Variants in CELA1 observed in about 807,000 individuals in gnomAD.
CELA1 encodes the protein chymotrypsin-like elastase family member 1.
In CELA1, 28 loss-of-function variants were observed where a neutral mutation model predicts 34.8. That is an observed-to-expected ratio of 0.80 (90% confidence interval 0.60 to 1.10). The LOEUF (loss-of-function observed/expected upper bound fraction) is 1.10. Among genes scored for constraint, CELA1 ranks in the 50% least tolerant of loss-of-function variants. CELA1 has a pLI of 0.00. For synonymous variants in CELA1, 140 were observed against 129.8 expected (o/e 1.08, Z -0.53); for missense variants, 288 against 327.5 (o/e 0.88, Z 0.93).
chr12:51,329,375 T>G (rs1946454801), intron 7 of CELA1, among the ~76,000 whole-genome samples: 1 of 152,144 alleles, frequency 6.6e-6, no homozygotes, highest in Admixed American at 6.5e-5. Context: ...CTGAACCTGT[T>G]TTTCCCTGGG....
At chr12:51,330,264 A>G (rs1248725467) in intron 6 of CELA1, among the ~76,000 whole-genome samples, 1 of 152,202 alleles carries the variant, frequency 6.6e-6, no homozygotes, top group East Asian at 1.9e-4. Flanking sequence ...ATTTAGACCA[A>G]TGGGTATAAT....
intron 5 of CELA1, 35 bp downstream of exon 5, chr12:51,341,208 TC>T: frequency 6.2e-7 from 1 of 1,612,322 alleles, no homozygotes; most frequent in Non-Finnish European, 8.5e-7. Context: ...CTAATCAAGA[TC>T]CCCGTGGTGG....
At chr12:51,338,662 T>A (rs371828668) in intron 6 of CELA1, among the ~76,000 whole-genome samples, 80 of 152,316 alleles carry the variant, frequency 5.3e-4, no homozygotes, top group African/African-American at 1.8e-3. Context: ...ACATCCTGAT[T>A]ATTAACACTT....
At chr12:51,331,864 CATTGAAAAA>C (rs1263478925) in intron 6 of CELA1, among the ~76,000 whole-genome samples, 1 of 152,024 alleles carries the variant, frequency 6.6e-6, no homozygotes. Flanking sequence ...TTTTAACAGA[CATTGAAAAA>C]ATTGAAAAAG....
At chr12:51,341,619 C>T (rs567811099) in intron 4 of CELA1, among the ~76,000 whole-genome samples, 100 of 152,176 alleles carry the variant, frequency 6.6e-4, no homozygotes, top group African/African-American at 2.2e-3. Context: ...TAGCTCTGAC[C>T]TTTGCAACCC....
At chr12:51,343,441 C>T (rs17860303) in intron 3 of CELA1, among the ~76,000 whole-genome samples, 11 of 152,212 alleles carry the variant, frequency 7.2e-5, no homozygotes, top group Admixed American at 5.9e-4. Flanking sequence ...TAGGCACTTA[C>T]ATATTTACTC....
intron 6 of CELA1, among the ~76,000 whole-genome samples, chr12:51,336,708 A>G (rs556627664): frequency 5.9e-5 from 9 of 152,330 alleles, no homozygotes; most frequent in African/African-American, 2.2e-4. Flanking sequence ...AAGGTTGTCC[A>G]GAACCAAACT....
chr12:51,333,115 A>G (rs1406418438), intron 6 of CELA1, among the ~76,000 whole-genome samples: 7 of 141,288 alleles, frequency 5.0e-5, no homozygotes, highest in African/African-American at 1.8e-4. Flanking sequence ...TTTTTTTGAG[A>G]CTGAGTTTCG....
intron 6 of CELA1, among the ~76,000 whole-genome samples, chr12:51,337,453 T>A (rs1205785958): frequency 2.1e-5 from 3 of 144,938 alleles, no homozygotes; most frequent in Non-Finnish European, 4.5e-5. Flanking sequence ...GGGAGGATCA[T>A]TTGAGCCCAG....
intron 6 of CELA1, among the ~76,000 whole-genome samples, chr12:51,339,155 A>C (rs971028482): frequency 6.6e-6 from 1 of 152,216 alleles, no homozygotes; most frequent in Non-Finnish European, 1.5e-5. Flanking sequence ...GAGGAACTGC[A>C]AGAGAAGTAG....
chr12:51,330,259 G>A (rs1037981098), intron 6 of CELA1, among the ~76,000 whole-genome samples: 7 of 152,164 alleles, frequency 4.6e-5, no homozygotes, highest in African/African-American at 1.7e-4. Context: ...CCAGCATTTA[G>A]ACCAATGGGT....
At chr12:51,342,193 ATT>A (rs145657923) in intron 4 of CELA1, among the ~76,000 whole-genome samples, 2 of 146,810 alleles carry the variant, frequency 1.4e-5, no homozygotes, top group African/African-American at 2.5e-5. Context: ...TGCCTGGCTA[ATT>A]TTTTTTTTTT....
Position 51,343,663 on chromosome 12 carries a change from G to T in CELA1, c.200+90C>A, listed in dbSNP as rs145991353. The T allele has an allele frequency of 3.8e-5, 29 of 771,242 alleles. No individual in the cohort carries two copies. The African/African-American group carries it at 4.8e-4, about 13-fold the overall frequency. The allele number at this position is 771,242 out of a possible 1,614,324, so 47.8% of individuals were successfully genotyped here. A position where few individuals can be genotyped will look rare whatever the true frequency, so the allele number is the denominator to read the frequency against. On this transcript the variant is annotated intron_variant, in intron 3 of 7. Coordinates refer to ENST00000293636, the MANE Select transcript of CELA1 (RefSeq NM_001971.6). Reference sequence around the variant, plus strand: ...GCCACTGCCCAGTCCCTGAAGTGCTGTCCAGAGAGGGCAAAATTATATCCT... The same window carrying T: ...GCCACTGCCCAGTCCCTGAAGTGCTTTCCAGAGAGGGCAAAATTATATCCT...
At chr12:51,335,533 C>T (rs1462291576) in intron 6 of CELA1, among the ~76,000 whole-genome samples, 1 of 151,932 alleles carries the variant, frequency 6.6e-6, no homozygotes. Flanking sequence ...ATATTACAGG[C>T]GGGAGCCACC....
At chr12:51,328,619 CA>C (rs1215141922) in intron 7 of CELA1, 25 bp from the exon 8 acceptor site, 2 of 1,611,232 alleles carry the variant, frequency 1.2e-6, no homozygotes, top group African/African-American at 2.7e-5. Context: ...GTTATGTCCA[CA>C]GTCAGTAACT....
intron 6 of CELA1, among the ~76,000 whole-genome samples, chr12:51,337,915 A>G (rs1431087905): frequency 6.8e-6 from 1 of 146,982 alleles, no homozygotes; most frequent in Admixed American, 7.4e-5. Context: ...TGTCTCAAAA[A>G]AAAAACAAAT....
intron 5 of CELA1, 61 bp downstream of exon 5, chr12:51,341,183 T>A: frequency 6.3e-7 from 1 of 1,595,748 alleles, no homozygotes; most frequent in Non-Finnish European, 8.6e-7. Context: ...AAAGGTGTCT[T>A]AGAAGCTCAG....
intron 7 of CELA1, 60 bp from the exon 8 acceptor site, chr12:51,328,654 C>T (rs1205286308): frequency 2.2e-5 from 35 of 1,582,418 alleles, no homozygotes; most frequent in Non-Finnish European, 3.0e-5. Flanking sequence ...TTTCTTGTTT[C>T]CTCAGGGCTC....
intron 6 of CELA1, among the ~76,000 whole-genome samples, chr12:51,333,680 A>G (rs1946484804): frequency 6.6e-6 from 1 of 152,180 alleles, no homozygotes; most frequent in African/African-American, 2.4e-5. Context: ...GGCATGAGCC[A>G]CCACGCCCAG....
Sources: allele counts gnomAD v4.1 joint callset (sites outside exome capture counted in the v4.1 genomes callset), GRCh38; gene constraint gnomAD v4.1.1; transcripts MANE v1.5; gene names NCBI Gene and HGNC (gene_info 2026-07-23, HGNC 2026-07-21).